Variants in PLCXD3 observed in about 807,000 individuals in gnomAD.
PLCXD3 encodes PI-PLC X domain-containing protein 3.
In PLCXD3, 19 loss-of-function variants were observed where a neutral mutation model predicts 25.5. The observed-to-expected ratio is 0.75, with a 90% CI of 0.52 to 1.09. The LOEUF is 1.09. PLCXD3 is among the 50% of genes least tolerant of loss of function. PLCXD3 has a pLI of 0.00. For synonymous variants in PLCXD3, 174 were observed against 137.6 expected (o/e 1.26, Z -1.85); for missense variants, 411 against 388.1 (o/e 1.06, Z -0.50).
chr5:41,355,333 A>C (rs1156792668), intron 2 of PLCXD3, among the ~76,000 whole-genome samples: 1 of 152,254 alleles, frequency 6.6e-6, no homozygotes, highest in Non-Finnish European at 1.5e-5. Context: ...AAAGAACTAC[A>C]AAGTGTTTAG....
At chr5:41,491,059 C>G (rs1431047103) in intron 1 of PLCXD3, among the ~76,000 whole-genome samples, 2 of 152,162 alleles carry the variant, frequency 1.3e-5, no homozygotes, top group Non-Finnish European at 2.9e-5. Flanking sequence ...CCTGCTTTCT[C>G]TTGTGGGCAT....
chr5:41,335,413 C>T (rs1488017456), intron 2 of PLCXD3, among the ~76,000 whole-genome samples: 1 of 152,120 alleles, frequency 6.6e-6, no homozygotes, highest in Non-Finnish European at 1.5e-5. Flanking sequence ...ATCAATTACC[C>T]TTAATCCATA....
At chr5:41,314,321 C>T (rs1743227243) in intron 2 of PLCXD3, among the ~76,000 whole-genome samples, 1 of 152,152 alleles carries the variant, frequency 6.6e-6, no homozygotes, top group Non-Finnish European at 1.5e-5. Flanking sequence ...ATTTACTGGG[C>T]ACCTATTAAG....
chr5:41,417,272 C>T (rs1746716078), intron 1 of PLCXD3, among the ~76,000 whole-genome samples: 2 of 152,090 alleles, frequency 1.3e-5, no homozygotes, highest in Admixed American at 1.3e-4. Context: ...AGGAAGGTTC[C>T]ATTGCTGAAG....
chr5:41,307,223 A>C lies in PLCXD3; in HGVS notation c.*6394T>G, dbSNP rs1042499955. ...CATCCTCCAGAAATGAAGCAAATCA[A>C]CACAAATGTGTGTAAGCAGGAGTCA... On this transcript the variant is annotated 3_prime_UTR_variant, in exon 3 of 3. Transcript: ENST00000377801. 6.6e-6 allele frequency: 1 copy of C among 152,582 alleles called. No individual in the cohort carries two copies. Among genetic ancestry groups the C allele is most frequent in the African/African-American group, 2.4e-5 (1 of 41,440 alleles). The allele number at this position is 152,582 out of a possible 1,614,324, so 9.5% of individuals were successfully genotyped here. A position where few individuals can be genotyped will look rare whatever the true frequency, so the allele number is the denominator to read the frequency against.
At position 41,307,543 on chromosome 5, in the gene PLCXD3, G is replaced by A. The variant is rs993821531; in HGVS notation, c.*6074C>T. The A allele has an allele frequency of 2.6e-5, 4 of 152,030 alleles. No homozygotes were observed. The highest frequency in any genetic ancestry group is 2.9e-5 in the Non-Finnish European group (2 of 67,976). 9.4% of individuals were successfully genotyped at this position (152,030 alleles called of 1,614,324 possible). A position where few individuals can be genotyped will look rare whatever the true frequency, so the allele number is the denominator to read the frequency against. Reference sequence around the variant, plus strand: ...ACTGGTCGTTATAATTTGCTTTGACGAGTCTCTCTGCCAGGTGATAGCTGC... The same window carrying A: ...ACTGGTCGTTATAATTTGCTTTGACAAGTCTCTCTGCCAGGTGATAGCTGC... On this transcript the variant is annotated 3_prime_UTR_variant, in exon 3 of 3. Coordinates refer to ENST00000377801, the MANE Select transcript of PLCXD3 (RefSeq NM_001005473.3).
chr5:41,432,568 A>G (rs1228581995), intron 1 of PLCXD3, among the ~76,000 whole-genome samples: 1 of 152,174 alleles, frequency 6.6e-6, no homozygotes, highest in Non-Finnish European at 1.5e-5. Context: ...TTATGTTAAA[A>G]CTGTCTTTTC....
rs375239924 is a variant in PLCXD3 at position 41,468,512 on chromosome 5, G to A, written c.103+41912C>T. 6.3e-4 allele frequency among the ~76,000 whole-genome samples: 96 copies of A among 152,210 alleles called. 1 individual carries two copies. Among genetic ancestry groups the A allele is most frequent in the Middle Eastern group, 3.4e-3 (1 of 294 alleles). On this transcript the variant is annotated intron_variant, in intron 1 of 2. Transcript: ENST00000377801. Reference sequence around the variant, plus strand: ...TAATTCTTCTAGTTCATGAACACAGGAGATCTCTTCATTTATCTTTGTCTT... The same window carrying A: ...TAATTCTTCTAGTTCATGAACACAGAAGATCTCTTCATTTATCTTTGTCTT...
intron 1 of PLCXD3, among the ~76,000 whole-genome samples, chr5:41,441,879 A>G (rs1367660301): frequency 1.3e-5 from 2 of 152,224 alleles, no homozygotes; most frequent in East Asian, 1.9e-4. Flanking sequence ...TGTTTTGATC[A>G]TCTCTAAACA....
chr5:41,353,689 G>C (rs934725024), intron 2 of PLCXD3, among the ~76,000 whole-genome samples: 7 of 152,166 alleles, frequency 4.6e-5, no homozygotes, highest in African/African-American at 1.4e-4. Context: ...GAATTATTAG[G>C]TAAAATATGG....
chr5:41,488,152 C>A (rs1459051262), intron 1 of PLCXD3, among the ~76,000 whole-genome samples: 2 of 149,742 alleles, frequency 1.3e-5, no homozygotes, highest in Non-Finnish European at 3.0e-5. Flanking sequence ...TCAATTCCCA[C>A]CTATGAGTGA....
intron 1 of PLCXD3, among the ~76,000 whole-genome samples, chr5:41,493,037 T>C (rs1411627863): frequency 6.6e-6 from 1 of 152,240 alleles, no homozygotes; most frequent in Non-Finnish European, 1.5e-5. Context: ...TTTTCTACTC[T>C]GTTTTTTTCC....
chr5:41,431,175 C>T (rs549978985), intron 1 of PLCXD3, among the ~76,000 whole-genome samples: 5 of 152,086 alleles, frequency 3.3e-5, no homozygotes, highest in East Asian at 1.9e-4. Context: ...CTCTAACTGT[C>T]GATGTTTCTA....
intron 2 of PLCXD3, among the ~76,000 whole-genome samples, chr5:41,348,780 G>T (rs1744372751): frequency 6.6e-6 from 1 of 152,110 alleles, no homozygotes; most frequent in African/African-American, 2.4e-5. Flanking sequence ...AGCAAGACCT[G>T]CAGCTGATAC....
intron 1 of PLCXD3, among the ~76,000 whole-genome samples, chr5:41,439,523 G>T (rs1008061780): frequency 5.3e-5 from 8 of 151,896 alleles, no homozygotes; most frequent in African/African-American, 1.9e-4. Flanking sequence ...CTGTTGTCTG[G>T]AATGCGGGTG....
At chr5:41,431,194 G>C (rs1342845766) in intron 1 of PLCXD3, among the ~76,000 whole-genome samples, 9 of 152,130 alleles carry the variant, frequency 5.9e-5, no homozygotes, top group South Asian at 2.1e-4. Flanking sequence ...TAAATTCCAA[G>C]CACTAGATTT....
intron 1 of PLCXD3, among the ~76,000 whole-genome samples, chr5:41,495,034 A>C (rs1315423690): frequency 6.6e-6 from 1 of 152,232 alleles, no homozygotes; most frequent in Non-Finnish European, 1.5e-5. Flanking sequence ...CAATACATGG[A>C]TTAATTTCCT....
chr5:41,440,385 T>C (rs318064), intron 1 of PLCXD3, among the ~76,000 whole-genome samples: 1 of 151,308 alleles, frequency 6.6e-6, no homozygotes, highest in South Asian at 2.1e-4. Context: ...GGTGCCTGCC[T>C]CCATGCCTGG....
Position 41,347,520 on chromosome 5 carries a change from T to C in PLCXD3, c.813-33750A>G, listed in dbSNP as rs77991132. Among the ~76,000 whole-genome samples the C allele has an allele frequency of 4.6e-3, 696 of 152,352 alleles. 3 individuals are homozygous for C. Among genetic ancestry groups the C allele is most frequent in the African/African-American group, 0.016 (657 of 41,584 alleles). ...GTAACAGTGTATTGCTCTGCCAATCTTTCTCACTTAATTTTGGAGTCAAAA... is the reference window on the plus strand; with the variant it reads ...GTAACAGTGTATTGCTCTGCCAATCCTTCTCACTTAATTTTGGAGTCAAAA... On this transcript the variant is annotated intron_variant, in intron 2 of 2. Transcript: ENST00000377801.
Sources: gnomAD v4.1 joint callset for allele counts (sites outside exome capture counted in the v4.1 genomes callset) on GRCh38, gnomAD v4.1.1 for gene constraint, MANE v1.5 for transcripts, NCBI Gene and HGNC (gene_info 2026-07-23, HGNC 2026-07-21) for gene names.